The following PRKAR2A variants were observed in gnomAD, a reference collection of about 807,000 sequenced individuals.
PRKAR2A encodes the protein cAMP-dependent protein kinase type II-alpha regulatory subunit.
In PRKAR2A, 29 loss-of-function variants were observed where a neutral mutation model predicts 51.9. The ratio of observed to expected loss-of-function variants is 0.56; its 90% CI spans 0.42 to 0.76. PRKAR2A has a LOEUF of 0.76. Among genes scored for constraint, PRKAR2A ranks in the 30% least tolerant of loss-of-function variants. PRKAR2A has a pLI of 0.00. For missense variants in PRKAR2A, 445 were observed against 512.1 expected (o/e 0.87, Z 1.26); for synonymous variants, 178 against 186.2 (o/e 0.96, Z 0.36).
chr3:48,758,278 G>T (rs1415335947), intron 8 of PRKAR2A, among the ~76,000 whole-genome samples: 1 of 148,180 alleles, frequency 6.7e-6, no homozygotes, highest in African/African-American at 2.5e-5. Flanking sequence ...AAGAAAAAAA[G>T]AAAAAAGGAA....
At chr3:48,814,063 C>A (rs1469225380) in intron 1 of PRKAR2A, among the ~76,000 whole-genome samples, 3 of 152,138 alleles carry the variant, frequency 2.0e-5, no homozygotes, top group African/African-American at 7.2e-5. Context: ...TACTGGCCAA[C>A]ATGGTGAAAC....
chr3:48,816,300 G>A (rs1489751695), intron 1 of PRKAR2A, among the ~76,000 whole-genome samples: 4 of 152,040 alleles, frequency 2.6e-5, no homozygotes, highest in Admixed American at 1.3e-4. Context: ...CTAGAGTATA[G>A]ACCATGAACT....
chr3:48,840,367 C>T (rs1489544073), intron 1 of PRKAR2A, among the ~76,000 whole-genome samples: 4 of 151,490 alleles, frequency 2.6e-5, no homozygotes, highest in Non-Finnish European at 4.4e-5. Context: ...TGGTGGCACA[C>T]GCCTGTAATC....
intron 8 of PRKAR2A, among the ~76,000 whole-genome samples, chr3:48,764,267 G>C (rs1368280709): frequency 6.6e-6 from 1 of 152,172 alleles, no homozygotes; most frequent in Non-Finnish European, 1.5e-5. Flanking sequence ...CAATGATCTA[G>C]CCCACTGTTT....
At chr3:48,799,045 G>A (rs1173983815) in intron 2 of PRKAR2A, among the ~76,000 whole-genome samples, 1 of 151,870 alleles carries the variant, frequency 6.6e-6, no homozygotes, top group East Asian at 1.9e-4. Flanking sequence ...CTTAGTCCTG[G>A]TCCTAAATTA....
chr3:48,838,962 C>T (rs570674028), intron 1 of PRKAR2A, among the ~76,000 whole-genome samples: 3 of 150,226 alleles, frequency 2.0e-5, no homozygotes, highest in East Asian at 3.9e-4. Context: ...CCAGCCTGGG[C>T]GACAGAGCAA....
At chr3:48,772,701 C>T (rs1428831335) in intron 6 of PRKAR2A, among the ~76,000 whole-genome samples, 1 of 151,964 alleles carries the variant, frequency 6.6e-6, no homozygotes, top group Non-Finnish European at 1.5e-5. Context: ...AGTACAGTGG[C>T]GCGATCTCGG....
chr3:48,847,779 G>A lies in PRKAR2A; in HGVS notation c.-183C>T, dbSNP rs55761431. The stretch of plus-strand genomic sequence containing the variant: ...CGCGCAACCCTACGCTACCACGGCC[G>A]ACCTGGCACCGCCGCCGCTGTCACT... On this transcript the variant is annotated 5_prime_UTR_variant, in exon 1 of 11. Coordinates refer to ENST00000265563, the MANE Select transcript of PRKAR2A (RefSeq NM_004157.4). This position sits in a 1 kb window ranked among gnomAD's most constrained non-coding sequence, Gnocchi z 4.4. 40,619 of 554,504 alleles carry A rather than the reference G, an allele frequency of 0.073. 1,870 individuals carry two copies. The highest frequency in any genetic ancestry group is 0.089 in the Non-Finnish European group (32,413 of 365,884). The allele number at this position is 554,504 out of a possible 1,614,324, so 34.3% of individuals were successfully genotyped here.
chr3:48,775,740 A>G (rs985194232), intron 5 of PRKAR2A, among the ~76,000 whole-genome samples: 9 of 152,136 alleles, frequency 5.9e-5, no homozygotes, highest in East Asian at 1.9e-4. Flanking sequence ...AGTAAAAACT[A>G]TAAGTAATTT....
intron 4 of PRKAR2A, among the ~76,000 whole-genome samples, chr3:48,785,120 T>C (rs2082266978): frequency 6.7e-6 from 1 of 149,176 alleles, no homozygotes; most frequent in Non-Finnish European, 1.5e-5. Context: ...TGAGACAGTC[T>C]CACTTTGTCA....
At chr3:48,793,413 G>A (rs1041950234) in intron 3 of PRKAR2A, among the ~76,000 whole-genome samples, 4 of 152,248 alleles carry the variant, frequency 2.6e-5, no homozygotes, top group African/African-American at 9.6e-5. Context: ...TGGCCTGACT[G>A]TAAGTATTTA....
At chr3:48,774,128 C>G (rs144817855) in intron 5 of PRKAR2A, among the ~76,000 whole-genome samples, 1 of 151,970 alleles carries the variant, frequency 6.6e-6, no homozygotes, top group African/African-American at 2.4e-5. Context: ...CCACCATGCC[C>G]GGCCTAATTT....
chr3:48,798,575 T>C, intron 2 of PRKAR2A, among the ~76,000 whole-genome samples: 1 of 150,972 alleles, frequency 6.6e-6, no homozygotes, highest in East Asian at 1.9e-4. Context: ...AATAATACAT[T>C]AAAAAAAAAC....
Position 48,817,756 on chromosome 3 carries a change from A to G in PRKAR2A, c.263-10072T>C, listed in dbSNP as rs538808792. Among the ~76,000 whole-genome samples the G allele has an allele frequency of 2.1e-3, 322 of 151,856 alleles. 2 individuals carry two copies. Among genetic ancestry groups the G allele is most frequent in the Admixed American group, 9.8e-3 (150 of 15,272 alleles). ...AGAAAAGAGAGAGAAAAAACACTTC[A>G]TATTTTAAAAACAAAAACAATGGAG... On this transcript the variant is annotated intron_variant, in intron 1 of 10. Coordinates refer to ENST00000265563, the MANE Select transcript of PRKAR2A (RefSeq NM_004157.4).
intron 2 of PRKAR2A, among the ~76,000 whole-genome samples, chr3:48,800,511 C>CA (rs879413217): frequency 4.6e-3 from 555 of 121,626 alleles, no homozygotes; most frequent in Middle Eastern, 0.014. Context: ...GACTCCGTCT[C>CA]AAAAAAAAAA....
chr3:48,794,188 G>A, intron 2 of PRKAR2A, 139 bp from the exon 3 acceptor site: 1 of 645,348 alleles, frequency 1.5e-6, no homozygotes, highest in Non-Finnish European at 2.5e-6. Flanking sequence ...TTTTGCTCTT[G>A]TTGCCCAGGC....
chr3:48,841,129 G>A (rs919694484), intron 1 of PRKAR2A, among the ~76,000 whole-genome samples: 5 of 150,370 alleles, frequency 3.3e-5, no homozygotes, highest in Admixed American at 1.3e-4. Context: ...CAGGTGATCC[G>A]CCCGCCTCGG....
At chr3:48,841,153 G>A (rs996065973) in intron 1 of PRKAR2A, among the ~76,000 whole-genome samples, 12 of 151,588 alleles carry the variant, frequency 7.9e-5, no homozygotes, top group Non-Finnish European at 1.5e-4. Context: ...CCCAGTGCTG[G>A]GATTACAGGC....
At chr3:48,843,123 T>C (rs906814323) in intron 1 of PRKAR2A, among the ~76,000 whole-genome samples, 15 of 152,240 alleles carry the variant, frequency 9.9e-5, no homozygotes, top group African/African-American at 3.4e-4. Flanking sequence ...AGATTCAACT[T>C]CTTCCCAGTT....
Sources: allele counts gnomAD v4.1 joint callset (sites outside exome capture counted in the v4.1 genomes callset), GRCh38; gene constraint gnomAD v4.1.1; non-coding constraint Gnocchi (gnomAD v3.1); transcripts MANE v1.5; gene names NCBI Gene and HGNC (gene_info 2026-07-23, HGNC 2026-07-21).